UNC5D: variants seen among roughly 807,000 people sequenced by gnomAD.
UNC5D encodes netrin receptor UNC5D.
UNC5D carries 39 observed loss-of-function variants against 105.4 expected under a neutral mutation model. The ratio of observed to expected loss-of-function variants is 0.37; its 90% CI spans 0.29 to 0.48. The LOEUF (loss-of-function observed/expected upper bound fraction) is 0.48. UNC5D is among the 20% of genes least tolerant of loss of function. UNC5D has a pLI of 0.98. For synonymous variants in UNC5D, 452 were observed against 450.4 expected (o/e 1.00, Z -0.04); for missense variants, 991 against 1,202.4 (o/e 0.82, Z 2.60).
chr8:35,709,778 G>A (rs1210276959), intron 8 of UNC5D, among the ~76,000 whole-genome samples: 2 of 152,160 alleles, frequency 1.3e-5, no homozygotes, highest in Non-Finnish European at 2.9e-5. Flanking sequence ...GGGTAGCTTG[G>A]GGATGAGCAG....
intron 1 of UNC5D, among the ~76,000 whole-genome samples, chr8:35,449,667 A>T (rs1026785054): frequency 6.6e-6 from 1 of 152,076 alleles, no homozygotes; most frequent in Non-Finnish European, 1.5e-5. Context: ...TGTTGTCATT[A>T]TTCTTGCCCG....
chr8:35,314,251 G>A (rs1809112476), intron 1 of UNC5D, among the ~76,000 whole-genome samples: 1 of 152,110 alleles, frequency 6.6e-6, no homozygotes, highest in African/African-American at 2.4e-5. Flanking sequence ...GAGTATATGG[G>A]TTCTTTCCTT....
chr8:35,353,068 A>G (rs1419227254), intron 1 of UNC5D, among the ~76,000 whole-genome samples: 5 of 152,202 alleles, frequency 3.3e-5, no homozygotes, highest in Non-Finnish European at 7.3e-5. Context: ...GACAAATTCA[A>G]CTACATAAAA....
chr8:35,369,097 C>A (rs557151716), intron 1 of UNC5D, among the ~76,000 whole-genome samples: 16 of 152,218 alleles, frequency 1.1e-4, no homozygotes, highest in Middle Eastern at 3.4e-3. Flanking sequence ...GATAATATAT[C>A]TTTATCTTCA....
At chr8:35,424,274 A>G (rs10216982) in intron 1 of UNC5D, among the ~76,000 whole-genome samples, 7,516 of 152,318 alleles carry the variant, frequency 0.049, 209 homozygotes, top group African/African-American at 0.073. Context: ...TATCACATTA[A>G]TAAAAAGGAA....
chr8:35,488,781 T>G (rs1287078047), intron 1 of UNC5D, among the ~76,000 whole-genome samples: 1 of 152,142 alleles, frequency 6.6e-6, no homozygotes, highest in African/African-American at 2.4e-5. Flanking sequence ...ACTTACCTGG[T>G]TTCACAGATT....
intron 1 of UNC5D, among the ~76,000 whole-genome samples, chr8:35,310,848 C>G (rs1469363163): frequency 2.0e-5 from 3 of 152,004 alleles, no homozygotes; most frequent in African/African-American, 7.2e-5. Context: ...TATGCTCATG[C>G]TGAGGGTTAG....
chr8:35,501,708 A>G (rs1217953880), intron 1 of UNC5D, among the ~76,000 whole-genome samples: 2 of 152,268 alleles, frequency 1.3e-5, no homozygotes, highest in East Asian at 1.9e-4. Flanking sequence ...ATTTGCATTC[A>G]GTTACCCCAC....
intron 4 of UNC5D, among the ~76,000 whole-genome samples, chr8:35,597,458 G>A (rs1047574903): frequency 2.0e-5 from 3 of 152,050 alleles, no homozygotes; most frequent in African/African-American, 7.2e-5. Flanking sequence ...CCTAACAGAG[G>A]TATCAGCAGT....
At chr8:35,360,435 A>T (rs560707525) in intron 1 of UNC5D, among the ~76,000 whole-genome samples, 36 of 152,268 alleles carry the variant, frequency 2.4e-4, no homozygotes, top group African/African-American at 8.4e-4. Flanking sequence ...ATTAAATCAG[A>T]GTTATGGAAG....
intron 2 of UNC5D, among the ~76,000 whole-genome samples, chr8:35,558,959 G>A (rs2130741430): frequency 6.6e-6 from 1 of 152,070 alleles, no homozygotes; most frequent in African/African-American, 2.4e-5. Flanking sequence ...TCCAGCTTGG[G>A]CAACAGAACA....
At chr8:35,587,188 T>C (rs1198410563) in intron 3 of UNC5D, among the ~76,000 whole-genome samples, 1 of 152,188 alleles carries the variant, frequency 6.6e-6, no homozygotes, top group Non-Finnish European at 1.5e-5. Context: ...GTTGGCATTC[T>C]GCTGTGGAAC....
intron 1 of UNC5D, among the ~76,000 whole-genome samples, chr8:35,424,833 G>T (rs557850377): frequency 2.0e-5 from 3 of 152,214 alleles, no homozygotes; most frequent in African/African-American, 7.2e-5. Flanking sequence ...AGTATGTAAC[G>T]TATTTATAGC....
Position 35,678,140 on chromosome 8 carries a change from A to G in UNC5D, c.571-5407A>G, listed in dbSNP as rs143538292. Among the ~76,000 whole-genome samples, 117 of 152,268 alleles carry G rather than the reference A, an allele frequency of 7.7e-4. No homozygotes were observed. The South Asian group carries it at 8.9e-3, about 12-fold the overall frequency. ...AGACCGTACAGCAGGGCCAGCTCAT[A>G]TGATAGCACAAGTTGTGCACCAAGC... On this transcript the variant is annotated intron_variant, in intron 4 of 16. Transcript: ENST00000404895.
intron 1 of UNC5D, among the ~76,000 whole-genome samples, chr8:35,276,399 C>T (rs1012289445): frequency 2.6e-5 from 4 of 152,052 alleles, no homozygotes; most frequent in East Asian, 1.9e-4. Flanking sequence ...GACTCAGATG[C>T]GTAGACAACG....
intron 11 of UNC5D, among the ~76,000 whole-genome samples, chr8:35,741,690 G>T (rs1586568543): frequency 6.6e-6 from 1 of 152,100 alleles, no homozygotes; most frequent in East Asian, 1.9e-4. Context: ...ATTTAAACTT[G>T]ACCATCAACT....
chr8:35,239,404 C>A (rs1359380470), intron 1 of UNC5D, among the ~76,000 whole-genome samples: 2 of 151,928 alleles, frequency 1.3e-5, no homozygotes. Context: ...CTCTTCCTAC[C>A]AAATGCAGTA....
At chr8:35,290,191 C>T (rs1245533368) in intron 1 of UNC5D, among the ~76,000 whole-genome samples, 3 of 151,954 alleles carry the variant, frequency 2.0e-5, no homozygotes, top group African/African-American at 4.8e-5. Context: ...AAATCAATGT[C>T]GAAGGGATGT....
chr8:35,737,340 T>C (rs1829529198), intron 11 of UNC5D, among the ~76,000 whole-genome samples: 1 of 150,734 alleles, frequency 6.6e-6, no homozygotes, highest in African/African-American at 2.4e-5. Flanking sequence ...TTCCCAGAAT[T>C]CTGGCTCAGA....
Sources: gnomAD v4.1 joint callset for allele counts (sites outside exome capture counted in the v4.1 genomes callset) on GRCh38, gnomAD v4.1.1 for gene constraint, MANE v1.5 for transcripts, NCBI Gene and HGNC (gene_info 2026-07-23, HGNC 2026-07-21) for gene names.